Variants in COL28A1 observed in about 807,000 individuals in gnomAD.
COL28A1 encodes the protein collagen alpha-1(XXVIII) chain.
Under a neutral mutation model 150.2 loss-of-function variants are expected in COL28A1, and 161 were observed. The observed-to-expected ratio is 1.07, with a 90% CI of 0.94 to 1.22. The LOEUF (loss-of-function observed/expected upper bound fraction) is 1.22. Ranked by LOEUF, COL28A1 falls within the 50% of genes most tolerant of loss-of-function variation. The probability of loss-of-function intolerance (pLI) is 0.00; values close to 1 mark genes in which losing one functional copy is unlikely to be tolerated. For missense variants in COL28A1, 1,617 were observed against 1,388.3 expected (o/e 1.16, Z -2.62); for synonymous variants, 552 against 469.7 (o/e 1.18, Z -2.26).
intron 25 of COL28A1, among the ~76,000 whole-genome samples, chr7:7,423,944 C>T (rs1205192724): frequency 6.6e-6 from 1 of 152,184 alleles, no homozygotes; most frequent in Non-Finnish European, 1.5e-5. Context: ...CAGCCTCAGC[C>T]AATGAATTTA....
intron 17 of COL28A1, 120 bp from the exon 18 acceptor site, chr7:7,452,507 T>C (rs368771804): frequency 1.5e-6 from 2 of 1,377,250 alleles, no homozygotes; most frequent in African/African-American, 3.0e-5. Context: ...AATTCATATA[T>C]ATTGCCTGAA....
At chr7:7,360,275 C>G (rs568798943) in intron 34 of COL28A1, 115 bp downstream of exon 34, 3 of 1,047,010 alleles carry the variant, frequency 2.9e-6, no homozygotes, top group Non-Finnish European at 2.6e-6. Context: ...AACCCTGTGC[C>G]TTCCTCACAT....
rs536204233 is a variant in COL28A1 at position 7,494,155 on chromosome 7, G to T, written c.1027-3509C>A. Among the ~76,000 whole-genome samples, 3 of 152,326 alleles carry T rather than the reference G, an allele frequency of 2.0e-5. No individual in the cohort carries two copies. The East Asian group carries it at 5.8e-4, about 29-fold the overall frequency. On this transcript the variant is annotated intron_variant, in intron 11 of 34. Transcript: ENST00000399429. ...CCATACTATGGGCTTCAAGAGGACA[G>T]GAAGCCAATGTTTAATAAAACCTGC...
chr7:7,414,080 A>G (rs1279951395), intron 27 of COL28A1, among the ~76,000 whole-genome samples: 1 of 152,140 alleles, frequency 6.6e-6, no homozygotes, highest in African/African-American at 2.4e-5. Context: ...GAAATGAAGA[A>G]TGGGGAGAAG....
the COL28A1 span, among the ~76,000 whole-genome samples, chr7:7,543,441 G>A: frequency 3.9e-5 from 6 of 152,126 alleles, 1 homozygote; most frequent in Middle Eastern, 6.8e-3. Flanking sequence ...AGTTTAATCT[G>A]CATTATTGTT....
intron 21 of COL28A1, among the ~76,000 whole-genome samples, chr7:7,439,374 C>T (rs1785587395): frequency 6.6e-6 from 1 of 152,126 alleles, no homozygotes; most frequent in Non-Finnish European, 1.5e-5. Flanking sequence ...AAAACCCCAT[C>T]CAAGCCTTTG....
intron 25 of COL28A1, among the ~76,000 whole-genome samples, chr7:7,422,497 C>A (rs551877709): frequency 6.6e-6 from 1 of 152,140 alleles, no homozygotes; most frequent in South Asian, 2.1e-4. Flanking sequence ...GGCGTGGCGG[C>A]AGGCACCTGT....
At chr7:7,496,553 T>A (rs1218273240) in intron 11 of COL28A1, among the ~76,000 whole-genome samples, 4 of 117,696 alleles carry the variant, frequency 3.4e-5, no homozygotes, top group Non-Finnish European at 3.8e-5. Context: ...CAATTAATCT[T>A]TTTTTTTAGC....
At chr7:7,475,898 A>G (rs1407496517) in intron 14 of COL28A1, among the ~76,000 whole-genome samples, 1 of 152,216 alleles carries the variant, frequency 6.6e-6, no homozygotes, top group Non-Finnish European at 1.5e-5. Context: ...TTCCATTATC[A>G]TGACAAATTA....
At chr7:7,401,202 C>T (rs1328366265) in intron 27 of COL28A1, among the ~76,000 whole-genome samples, 2 of 152,078 alleles carry the variant, frequency 1.3e-5, no homozygotes, top group East Asian at 3.9e-4. Context: ...CCATCTCAGC[C>T]TTCTTTGCCA....
chr7:7,519,389 G>A lies in COL28A1; in HGVS notation c.813+673C>T, dbSNP rs111801097. Among the ~76,000 whole-genome samples, 290 of 152,340 alleles carry A rather than the reference G, an allele frequency of 1.9e-3. 1 individual carries two copies. Among genetic ancestry groups the A allele is most frequent in the African/African-American group, 6.6e-3 (273 of 41,574 alleles). On this transcript the variant is annotated intron_variant, in intron 6 of 34. Coordinates refer to ENST00000399429, the MANE Select transcript of COL28A1 (RefSeq NM_001037763.3). ...ACGTACAATTCAAGATGAGATTTGA[G>A]TGGGGACATAACCAAAGCATATCAC...
At chr7:7,410,928 C>T (rs1021026213) in intron 27 of COL28A1, among the ~76,000 whole-genome samples, 10 of 152,048 alleles carry the variant, frequency 6.6e-5, no homozygotes, top group African/African-American at 1.2e-4. Context: ...TAAATTTCAA[C>T]GAATAAATCG....
intron 27 of COL28A1, among the ~76,000 whole-genome samples, chr7:7,400,975 GGTGTGTGTGTGTGTGTGTGT>G (rs60064708): frequency 2.2e-3 from 257 of 119,126 alleles, no homozygotes; most frequent in Middle Eastern, 8.8e-3. Flanking sequence ...TGGGTATTTG[GGTGTGTGTGTGTGTGTGTGT>G]GTGTGTGTGT....
At position 7,519,983 on chromosome 7, in the gene COL28A1, T is replaced by C. The variant is rs1781624551; in HGVS notation, c.813+79A>G. On this transcript the variant is annotated intron_variant, in intron 6 of 34. Transcript: ENST00000399429. The stretch of plus-strand genomic sequence containing the variant: ...TTTTGCCATATACTACAATGCTTTT[T>C]ATTTTTAAAATTGTTGTTTTAAAAA... 2.0e-5 allele frequency: 16 copies of C among 783,302 alleles called. No individual in the cohort carries two copies. In the South Asian group the frequency reaches 2.7e-4, roughly 13 times the overall value. 48.5% of individuals were successfully genotyped at this position (783,302 alleles called of 1,614,324 possible).
chr7:7,401,639 C>CT (rs1783212045), intron 27 of COL28A1, among the ~76,000 whole-genome samples: 1 of 152,096 alleles, frequency 6.6e-6, no homozygotes, highest in South Asian at 2.1e-4. Flanking sequence ...AATGCAACCA[C>CT]CCCTTATCAC....
intron 13 of COL28A1, among the ~76,000 whole-genome samples, chr7:7,478,048 C>T (rs1040456734): frequency 6.6e-5 from 10 of 151,300 alleles, no homozygotes; most frequent in East Asian, 1.9e-4. Flanking sequence ...TGCTGATTGG[C>T]GCATTTACAA....
At chr7:7,445,915 G>A (rs1436463517) in intron 18 of COL28A1, among the ~76,000 whole-genome samples, 1 of 150,378 alleles carries the variant, frequency 6.6e-6, no homozygotes, top group South Asian at 2.1e-4. Context: ...GGCTTGTTCA[G>A]TGGTATGATC....
At chr7:7,361,914 G>T (rs1289108934) in intron 33 of COL28A1, among the ~76,000 whole-genome samples, 5 of 152,106 alleles carry the variant, frequency 3.3e-5, no homozygotes, top group Non-Finnish European at 7.4e-5. Context: ...ATCATTCTTA[G>T]CAAACTAACA....
At chr7:7,430,504 C>T (rs1784901600) in intron 25 of COL28A1, among the ~76,000 whole-genome samples, 1 of 152,056 alleles carries the variant, frequency 6.6e-6, no homozygotes, top group African/African-American at 2.4e-5. Context: ...GTAACATAAT[C>T]GTATAATTTA....
Sources: allele counts gnomAD v4.1 joint callset (sites outside exome capture counted in the v4.1 genomes callset), GRCh38; gene constraint gnomAD v4.1.1; transcripts MANE v1.5; gene names NCBI Gene and HGNC (gene_info 2026-07-23, HGNC 2026-07-21).